MYO3B: variants seen among roughly 807,000 people sequenced by gnomAD.
MYO3B encodes the protein myosin IIIB, also known as myosin-IIIb.
In MYO3B, 156 loss-of-function variants were observed where a neutral mutation model predicts 174.6. The ratio of observed to expected loss-of-function variants is 0.89; its 90% CI spans 0.78 to 1.02. MYO3B has a LOEUF of 1.02. MYO3B is among the 50% of genes least tolerant of loss of function. MYO3B has a pLI of 0.00. For synonymous variants in MYO3B, 563 were observed against 569.1 expected (o/e 0.99, Z 0.15); for missense variants, 1,632 against 1,639.4 (o/e 1.00, Z 0.08).
rs139451059 is a variant in MYO3B, at chr2:170,320,511, AT to A, written c.750-14873del. Among the ~76,000 whole-genome samples the A allele has an allele frequency of 4.6e-3, 700 of 152,332 alleles. 6 individuals carry two copies. The highest frequency in any genetic ancestry group is 0.036 in the East Asian group (185 of 5,190). ...AATAGATTTAAAAATTAAGATAGAT[AT>A]AAAAATAAGCAACAGTGTATGTTTT... On this transcript the variant is annotated intron_variant, in intron 7 of 34. Transcript: ENST00000408978.
At chr2:170,627,222 C>G (rs1696523949) in intron 32 of MYO3B, among the ~76,000 whole-genome samples, 2 of 152,122 alleles carry the variant, frequency 1.3e-5, no homozygotes, top group East Asian at 3.8e-4. Context: ...TCACATAGTC[C>G]CCTATTTCTT....
chr2:170,241,192 G>C (rs2093128697), intron 7 of MYO3B, among the ~76,000 whole-genome samples: 1 of 151,692 alleles, frequency 6.6e-6, no homozygotes, highest in South Asian at 2.1e-4. Flanking sequence ...TCTGTTTCTG[G>C]CATGCTAAGT....
At chr2:170,389,584 A>G (rs1389389349) in intron 14 of MYO3B, among the ~76,000 whole-genome samples, 1 of 152,214 alleles carries the variant, frequency 6.6e-6, no homozygotes, top group African/African-American at 2.4e-5. Context: ...CGGCAGGAAA[A>G]GCTTGGAAGA....
Position 170,569,341 on chromosome 2 carries a change from C to A in MYO3B, c.3733+25353C>A, listed in dbSNP as rs541366911. On this transcript the variant is annotated intron_variant, in intron 32 of 34. Transcript: ENST00000408978. ...GCAATACTCAAATATATGTTCTTCC[C>A]TTCACAATAATGACTGTATAATAAG... Among the ~76,000 whole-genome samples the A allele has an allele frequency of 6.2e-4, 94 of 152,200 alleles. No individual in the cohort carries two copies. In the South Asian group the frequency reaches 9.5e-3, roughly 15 times the overall value.
At chr2:170,401,796 C>CTTTTTTTTTTTTTTTTTTTTTTTTTT (rs1268110549) in intron 18 of MYO3B, 105 bp downstream of exon 18, 2 of 791,880 alleles carry the variant, frequency 2.5e-6, no homozygotes, top group African/African-American at 3.8e-5. Context: ...GATTTTCTTT[C>CTTTTTTTTTTTTTTTTTTTTTTTTTT]TTTTTCTTTT....
intron 8 of MYO3B, among the ~76,000 whole-genome samples, chr2:170,357,058 C>T (rs1200249730): frequency 1.3e-5 from 2 of 152,182 alleles, no homozygotes; most frequent in Non-Finnish European, 2.9e-5. Flanking sequence ...GCTGGGATCA[C>T]AGACAGGTGT....
chr2:170,231,981 G>T (rs2093020482), intron 6 of MYO3B, among the ~76,000 whole-genome samples: 1 of 152,142 alleles, frequency 6.6e-6, no homozygotes, highest in Admixed American at 6.5e-5. Flanking sequence ...GTGCATTTGG[G>T]ATCCTGGACC....
chr2:170,415,172 T>G (rs944696288), intron 22 of MYO3B, among the ~76,000 whole-genome samples: 1 of 152,380 alleles, frequency 6.6e-6, no homozygotes, highest in African/African-American at 2.4e-5. Context: ...GGTGAAAACC[T>G]TCTGTCTTTA....
intron 32 of MYO3B, among the ~76,000 whole-genome samples, chr2:170,586,094 G>A (rs1398697567): frequency 6.6e-6 from 1 of 152,194 alleles, no homozygotes. Context: ...ATTGTCCTCA[G>A]TTAGGAAGCA....
At chr2:170,454,804 T>G (rs1363820113) in intron 23 of MYO3B, among the ~76,000 whole-genome samples, 1 of 152,192 alleles carries the variant, frequency 6.6e-6, no homozygotes, top group African/African-American at 2.4e-5. Flanking sequence ...GACCAGAGTT[T>G]TTTTTATTAC....
intron 1 of MYO3B, among the ~76,000 whole-genome samples, chr2:170,198,831 G>A (rs1004960750): frequency 5.4e-5 from 7 of 129,200 alleles, no homozygotes; most frequent in South Asian, 2.5e-4. Flanking sequence ...TAGGGACAAA[G>A]ATGTTAGACT....
chr2:170,312,914 A>G (rs2093749591), intron 7 of MYO3B, among the ~76,000 whole-genome samples: 1 of 152,194 alleles, frequency 6.6e-6, no homozygotes, highest in South Asian at 2.1e-4. Flanking sequence ...CATACCTGCA[A>G]ATGTTTCTAA....
intron 23 of MYO3B, among the ~76,000 whole-genome samples, chr2:170,444,402 G>A (rs1257095150): frequency 6.6e-6 from 1 of 152,216 alleles, no homozygotes; most frequent in Admixed American, 6.5e-5. Context: ...TGAAAAATGA[G>A]TTGTACACTC....
chr2:170,403,068 G>A, intron 19 of MYO3B, 73 bp downstream of exon 19: 1 of 1,451,746 alleles, frequency 6.9e-7, no homozygotes, highest in Non-Finnish European at 9.4e-7. Context: ...ATTTGTAGCA[G>A]AAACCCTGTA....
chr2:170,435,171 C>G (rs2094743590), intron 22 of MYO3B, among the ~76,000 whole-genome samples: 1 of 152,220 alleles, frequency 6.6e-6, no homozygotes, highest in Non-Finnish European at 1.5e-5. Context: ...CCCACCACCT[C>G]TCAAAGCTTT....
intron 7 of MYO3B, among the ~76,000 whole-genome samples, chr2:170,239,427 C>T (rs557844005): frequency 6.6e-6 from 1 of 152,298 alleles, no homozygotes; most frequent in South Asian, 2.1e-4. Flanking sequence ...AGGCTGTGGG[C>T]ATCAGTGTGG....
chr2:170,438,444 C>T (rs2094772876), intron 22 of MYO3B, among the ~76,000 whole-genome samples: 1 of 152,052 alleles, frequency 6.6e-6, no homozygotes, highest in Non-Finnish European at 1.5e-5. Context: ...GGTAAATACT[C>T]AGAAGAGGGA....
Position 170,634,297 on chromosome 2 carries a change from C to A in MYO3B, c.3734-17331C>A, listed in dbSNP as rs189412216. ...ATAGACCAATGGAACAGAACAGAGG[C>A]CTCAGAAATAACACCACACATCTAC... On this transcript the variant is annotated intron_variant, in intron 32 of 34. Coordinates refer to ENST00000408978, the MANE Select transcript of MYO3B (RefSeq NM_138995.5). Among the ~76,000 whole-genome samples, 760 of 152,168 alleles carry A rather than the reference C, an allele frequency of 5.0e-3. 9 individuals carry two copies. Among genetic ancestry groups the A allele is most frequent in the African/African-American group, 0.017 (721 of 41,510 alleles).
intron 13 of MYO3B, among the ~76,000 whole-genome samples, chr2:170,386,684 A>G (rs1179655228): frequency 1.3e-5 from 2 of 152,216 alleles, no homozygotes; most frequent in South Asian, 4.1e-4. Context: ...TATTGAAAGA[A>G]TGAATTCAAA....
Sources: allele counts gnomAD v4.1 joint callset (sites outside exome capture counted in the v4.1 genomes callset), GRCh38; gene constraint gnomAD v4.1.1; transcripts MANE v1.5; gene names NCBI Gene and HGNC (gene_info 2026-07-23, HGNC 2026-07-21).